Variants in PCDH15 observed in about 807,000 individuals in gnomAD.
PCDH15 encodes protocadherin-15.
A neutral mutation model predicts 178.5 loss-of-function variants in PCDH15; 129 were observed. The ratio of observed to expected loss-of-function variants is 0.72; its 90% CI spans 0.63 to 0.84. PCDH15 has a LOEUF of 0.84. Among genes scored for constraint, PCDH15 ranks in the 40% least tolerant of loss-of-function variants. The pLI is 0.00. For synonymous variants in PCDH15, 800 were observed against 732.0 expected, an observed-to-expected ratio of 1.09 and a Z score of -1.50; for missense variants, 2,230 against 2,099.9, an observed-to-expected ratio of 1.06 and a Z score of -1.21.
At chr10:53,852,683 A>G (rs1228176360) in intron 28 of PCDH15, among the ~76,000 whole-genome samples, 1 of 151,994 alleles carries the variant, frequency 6.6e-6, no homozygotes, top group Non-Finnish European at 1.5e-5. Flanking sequence ...CCTTTCATCA[A>G]GTGTCCTCAT....
At chr10:53,863,548 T>TCAAGAGAGGG (rs2079243055) in intron 27 of PCDH15, among the ~76,000 whole-genome samples, 1 of 151,950 alleles carries the variant, frequency 6.6e-6, no homozygotes, top group Non-Finnish European at 1.5e-5. Context: ...AAGAGAGGGT[T>TCAAGAGAGGG]TAAGAGAGGG....
chr10:55,589,961 G>A (rs1432981753), intron 2 of PCDH15, among the ~76,000 whole-genome samples: 1 of 144,862 alleles, frequency 6.9e-6, no homozygotes, highest in East Asian at 2.1e-4. Context: ...TCCCATTACG[G>A]GGTATATACC....
At chr10:55,094,987 T>G (rs887561160) in intron 2 of PCDH15, among the ~76,000 whole-genome samples, 1 of 150,412 alleles carries the variant, frequency 6.6e-6, no homozygotes, top group African/African-American at 2.5e-5. Flanking sequence ...AGTGGAGTAG[T>G]CACTGCTCAC....
At chr10:55,071,368 C>A (rs1428178117) in intron 2 of PCDH15, among the ~76,000 whole-genome samples, 2 of 152,076 alleles carry the variant, frequency 1.3e-5, no homozygotes, top group Non-Finnish European at 2.9e-5. Context: ...TGTGCAGAGA[C>A]ACACATAGGC....
chr10:54,567,088 G>T (rs1292137763), intron 2 of PCDH15, among the ~76,000 whole-genome samples: 1 of 152,104 alleles, frequency 6.6e-6, no homozygotes, highest in Non-Finnish European at 1.5e-5. Context: ...AACATCTGAT[G>T]TGGGACATCT....
intron 1 of PCDH15, among the ~76,000 whole-genome samples, chr10:54,722,323 CTTA>C (rs2132519660): frequency 6.8e-6 from 1 of 146,734 alleles, no homozygotes; most frequent in Non-Finnish European, 1.5e-5. Flanking sequence ...GATGTCAACT[CTTA>C]TTCTTATTCA....
intron 2 of PCDH15, among the ~76,000 whole-genome samples, chr10:55,422,058 A>C (rs1838634619): frequency 6.6e-6 from 1 of 151,760 alleles, no homozygotes; most frequent in Admixed American, 6.6e-5. Context: ...CAGCATTGTC[A>C]ACTTTTAGAC....
At chr10:54,767,367 T>C (rs1285362456) in intron 1 of PCDH15, among the ~76,000 whole-genome samples, 1 of 152,112 alleles carries the variant, frequency 6.6e-6, no homozygotes, top group African/African-American at 2.4e-5. Flanking sequence ...TATGAGTCCA[T>C]GCTAATAAGT....
At chr10:55,056,215 A>G (rs957713743) in intron 2 of PCDH15, among the ~76,000 whole-genome samples, 3 of 152,180 alleles carry the variant, frequency 2.0e-5, no homozygotes, top group Non-Finnish European at 2.9e-5. Context: ...AGAAAAATAA[A>G]TGAACAACAA....
At chr10:54,672,722 AAAT>A (rs1475172809) in intron 1 of PCDH15, among the ~76,000 whole-genome samples, 2 of 68,944 alleles carry the variant, frequency 2.9e-5, no homozygotes, top group East Asian at 2.3e-4. Flanking sequence ...TTTAAATACT[AAAT>A]AATGAGATTT....
chr10:55,147,621 A>T (rs1371586970), intron 2 of PCDH15, among the ~76,000 whole-genome samples: 1 of 146,386 alleles, frequency 6.8e-6, no homozygotes, highest in African/African-American at 2.5e-5. Flanking sequence ...CCTTTGTCTA[A>T]GTCTCCTTTT....
intron 1 of PCDH15, among the ~76,000 whole-genome samples, chr10:54,728,137 A>G (rs1005948807): frequency 1.3e-5 from 2 of 151,558 alleles, no homozygotes; most frequent in African/African-American, 4.8e-5. Context: ...GTAAAAGAGA[A>G]CTTCAGGCTA....
intron 21 of PCDH15, among the ~76,000 whole-genome samples, chr10:53,975,487 G>A (rs945850265): frequency 2.0e-5 from 3 of 151,952 alleles, no homozygotes; most frequent in East Asian, 1.9e-4. Context: ...ACTGGTGTGC[G>A]GTGGTATTTT....
intron 2 of PCDH15, among the ~76,000 whole-genome samples, chr10:54,582,748 G>A (rs553685616): frequency 2.6e-5 from 4 of 151,914 alleles, no homozygotes; most frequent in Admixed American, 6.6e-5. Context: ...CTGTCTCTAC[G>A]AAGAAAATTA....
chr10:54,060,455 T>C (rs1048880004), intron 18 of PCDH15, among the ~76,000 whole-genome samples: 3 of 152,180 alleles, frequency 2.0e-5, no homozygotes, highest in Non-Finnish European at 4.4e-5. Context: ...CCATACTTTA[T>C]AAATTATTTA....
At chr10:55,150,113 G>C (rs1245981157) in intron 2 of PCDH15, among the ~76,000 whole-genome samples, 2 of 151,378 alleles carry the variant, frequency 1.3e-5, no homozygotes, top group African/African-American at 4.9e-5. Flanking sequence ...CGAGAGGAGA[G>C]AAGAGAAGAG....
chr10:53,960,114 A>T (rs2088137366), intron 22 of PCDH15, among the ~76,000 whole-genome samples: 1 of 152,184 alleles, frequency 6.6e-6, no homozygotes, highest in Admixed American at 6.5e-5. Context: ...ATGATTAAAA[A>T]ACAACTACCA....
intron 3 of PCDH15, among the ~76,000 whole-genome samples, chr10:54,520,342 A>G (rs2082712403): frequency 6.6e-6 from 1 of 152,206 alleles, no homozygotes; most frequent in Non-Finnish European, 1.5e-5. Flanking sequence ...TCCAGAATCT[A>G]CAATGAACTC....
At chr10:54,561,562 C>A (rs1408645712) in intron 2 of PCDH15, among the ~76,000 whole-genome samples, 12 of 151,984 alleles carry the variant, frequency 7.9e-5, no homozygotes, top group Admixed American at 7.9e-4. Context: ...TACCAATCAG[C>A]AGTGGTGATA....
Sources: allele counts gnomAD v4.1 joint callset (sites outside exome capture counted in the v4.1 genomes callset), GRCh38; gene constraint gnomAD v4.1.1; transcripts MANE v1.5; gene names NCBI Gene and HGNC (gene_info 2026-07-23, HGNC 2026-07-21).